The following XIRP2 variants were observed in gnomAD, a reference collection of about 807,000 sequenced individuals.
The protein encoded by XIRP2 is xin actin binding repeat containing 2.
XIRP2 carries 236 observed loss-of-function variants against 277.0 expected under a neutral mutation model. The ratio of observed to expected loss-of-function variants is 0.85; its 90% confidence interval spans 0.77 to 0.95. The LOEUF is 0.95. XIRP2 is among the 40% of genes least tolerant of loss of function. The pLI is 0.00. For missense variants in XIRP2, 4,640 were observed against 4,157.5 expected, an observed-to-expected ratio of 1.12 and a Z score of -3.19; for synonymous variants, 1,490 against 1,416.5, an observed-to-expected ratio of 1.05 and a Z score of -1.17.
intron 2 of XIRP2, among the ~76,000 whole-genome samples, chr2:167,115,359 T>C (rs1358306368): frequency 6.6e-6 from 1 of 152,158 alleles, no homozygotes; most frequent in Non-Finnish European, 1.5e-5. Flanking sequence ...TCTATTTCTG[T>C]CATTTCAACC....
At chr2:167,198,111 TACTG>T (rs1318616712) in intron 3 of XIRP2, among the ~76,000 whole-genome samples, 2 of 152,204 alleles carry the variant, frequency 1.3e-5, no homozygotes, top group Non-Finnish European at 1.5e-5. Context: ...GGGATGACGA[TACTG>T]ACTAATTATA....
At chr2:166,889,080 C>T (rs577962634) in intron 1 of XIRP2, among the ~76,000 whole-genome samples, 1 of 152,122 alleles carries the variant, frequency 6.6e-6, no homozygotes, top group Non-Finnish European at 1.5e-5. Flanking sequence ...TCTGAATAAG[C>T]ATTCAGGCAC....
chr2:166,906,360 A>G (rs904622332), intron 2 of XIRP2, among the ~76,000 whole-genome samples: 1 of 152,184 alleles, frequency 6.6e-6, no homozygotes. Flanking sequence ...AAGTAAATAG[A>G]CATACATAAA....
Position 166,926,793 on chromosome 2 carries a change from G to A in XIRP2, c.408+22903G>A, listed in dbSNP as rs977555962. On this transcript the variant is annotated intron_variant, in intron 2 of 10. Coordinates refer to ENST00000409195, the MANE Select transcript of XIRP2 (RefSeq NM_152381.6). ...AGAGAGCAGAGGAAACATCAGCCCC[G>A]AACAATGTTTTTCATGCTTAGAACA... is the stretch of plus-strand genomic sequence containing the variant. Among the ~76,000 whole-genome samples the A allele has an allele frequency of 5.3e-5, 8 of 152,144 alleles. No homozygotes were observed. In the East Asian group the frequency reaches 5.8e-4, roughly 11 times the overall value.
intron 3 of XIRP2, among the ~76,000 whole-genome samples, chr2:167,170,125 G>A (rs553601044): frequency 2.3e-4 from 35 of 152,100 alleles, no homozygotes; most frequent in East Asian, 5.8e-4. Flanking sequence ...TGCCAAGTAC[G>A]TTTCTTCAGT....
chr2:167,250,678 G>C lies in XIRP2; in HGVS notation c.9286G>C (p.Val3096Leu). ...TCATGAAGCAACTGTTCGTAGTCAC[G>C]TGAAAACCCATCAGGAAATTAAACT... ...AHHEATVRSH[V>L]KTHQEIKLDD... Residue 3096 changes from valine to leucine, a missense_variant, in exon 9 of 11, where the codon GTG (valine) becomes CTG (leucine). By Grantham distance (32) the Val-to-Leu change is conservative. Transcript: ENST00000409195. 1 of 1,613,500 alleles carries C rather than the reference G, an allele frequency of 6.2e-7. No homozygotes were observed.
At chr2:167,021,069 T>A (rs1023741221) in intron 2 of XIRP2, among the ~76,000 whole-genome samples, 19 of 152,090 alleles carry the variant, frequency 1.2e-4, no homozygotes, top group Non-Finnish European at 7.4e-5. Context: ...CATGTTAGAA[T>A]AAATTGGGAG....
chr2:167,042,629 T>A (rs1016842314), intron 2 of XIRP2, among the ~76,000 whole-genome samples: 1 of 152,176 alleles, frequency 6.6e-6, no homozygotes, highest in Non-Finnish European at 1.5e-5. Flanking sequence ...TATATAATAA[T>A]GAAGGGTTCA....
rs1412549174 is a variant in XIRP2 at position 167,249,817 on chromosome 2, G to T, written c.8425G>T (p.Gly2809Ter). 3 of 1,613,256 alleles carry T rather than the reference G, an allele frequency of 1.9e-6. No individual in the cohort carries two copies. The highest frequency in any genetic ancestry group is 2.2e-5 in the South Asian group (2 of 91,060). The part of the protein sequence containing the change: ...MVPRKQREFS[G>*]SDRGKLPGSE... ...TCCCAGGAAGCAAAGAGAATTTAGC[G>T]GATCTGACAGAGGGAAACTTCCAGG... Residue 2809 changes from glycine (G) to a stop codon, truncating the protein, a stop_gained, in exon 9 of 11, where the codon GGA becomes TGA. Coordinates refer to ENST00000409195, the MANE Select transcript of XIRP2 (RefSeq NM_152381.6). LOFTEE classifies it high-confidence loss of function.
intron 2 of XIRP2, among the ~76,000 whole-genome samples, chr2:167,067,459 C>A: frequency 6.6e-6 from 1 of 152,100 alleles, no homozygotes; most frequent in East Asian, 1.9e-4. Flanking sequence ...ATTTATAATA[C>A]AGGCGTACCT....
chr2:166,995,525 G>C (rs1023798159), intron 2 of XIRP2, among the ~76,000 whole-genome samples: 1 of 152,134 alleles, frequency 6.6e-6, no homozygotes, highest in African/African-American at 2.4e-5. Context: ...CATCTACAAG[G>C]TTCTTGATAA....
At chr2:167,113,886 C>T (rs1456562879) in intron 2 of XIRP2, among the ~76,000 whole-genome samples, 1 of 152,140 alleles carries the variant, frequency 6.6e-6, no homozygotes, top group African/African-American at 2.4e-5. Flanking sequence ...CTTATTTCTC[C>T]TTCACTTATG....
At chr2:167,205,671 A>T (rs1375479128) in intron 3 of XIRP2, among the ~76,000 whole-genome samples, 1 of 152,134 alleles carries the variant, frequency 6.6e-6, no homozygotes, top group African/African-American at 2.4e-5. Flanking sequence ...ACTTTTCTTC[A>T]TTTATATTTG....
At chr2:167,003,947 TAAC>T (rs1687438415) in intron 2 of XIRP2, among the ~76,000 whole-genome samples, 2 of 151,954 alleles carry the variant, frequency 1.3e-5, no homozygotes, top group East Asian at 1.9e-4. Flanking sequence ...ATTATTAGGA[TAAC>T]AACATAAATT....
At chr2:167,139,505 C>G (rs1691650524) in intron 3 of XIRP2, among the ~76,000 whole-genome samples, 1 of 152,144 alleles carries the variant, frequency 6.6e-6, no homozygotes, top group Non-Finnish European at 1.5e-5. Flanking sequence ...TTTTATTCTG[C>G]TCCATTAAAA....
chr2:167,258,675 A>G lies in XIRP2; in HGVS notation c.*858A>G. 2.5e-6 allele frequency: 4 copies of G among 1,611,656 alleles called. No individual in the cohort carries two copies. Among genetic ancestry groups the G allele is most frequent in the Non-Finnish European group, 3.4e-6 (4 of 1,179,004 alleles). On this transcript the variant is annotated 3_prime_UTR_variant, in exon 11 of 11. Coordinates refer to ENST00000409195, the MANE Select transcript of XIRP2 (RefSeq NM_152381.6). ...GAAAATTTGAATAAGAATAATAATAACAATTATGTAGCAGTCTCATATCTG... is the reference window on the plus strand; with the variant it reads ...GAAAATTTGAATAAGAATAATAATAGCAATTATGTAGCAGTCTCATATCTG...
At chr2:167,080,039 A>G (rs1449130174) in intron 2 of XIRP2, among the ~76,000 whole-genome samples, 2 of 152,132 alleles carry the variant, frequency 1.3e-5, no homozygotes, top group Non-Finnish European at 2.9e-5. Context: ...ATAAAATAAA[A>G]TAAAACAGAC....
intron 2 of XIRP2, among the ~76,000 whole-genome samples, chr2:166,974,113 T>A (rs1686650247): frequency 6.6e-6 from 1 of 152,132 alleles, no homozygotes; most frequent in Non-Finnish European, 1.5e-5. Flanking sequence ...ACTTAAAAAA[T>A]AACATGTGCT....
At chr2:166,900,787 T>C (rs1017646899) in intron 1 of XIRP2, among the ~76,000 whole-genome samples, 1 of 152,040 alleles carries the variant, frequency 6.6e-6, no homozygotes, top group African/African-American at 2.4e-5. Flanking sequence ...TCAATACCAG[T>C]GGATGATGAA....
Sources: gnomAD v4.1 joint callset for allele counts (sites outside exome capture counted in the v4.1 genomes callset) on GRCh38, gnomAD v4.1.1 for gene constraint, MANE v1.5 for transcripts, NCBI Gene and HGNC (gene_info 2026-07-23, HGNC 2026-07-21) for gene names.